The following MAST4 variants were observed in gnomAD, a reference collection of about 807,000 sequenced individuals.
The protein encoded by MAST4 is microtubule associated serine/threonine kinase family member 4.
In MAST4, 89 loss-of-function variants were observed where a neutral mutation model predicts 162.7. That is an observed-to-expected ratio of 0.55 (90% CI 0.46 to 0.65). The LOEUF is 0.65. Ranked by LOEUF, MAST4 falls within the 30% of genes least tolerant of loss-of-function variation. The pLI, the probability that MAST4 is intolerant of heterozygous loss-of-function variation, is 0.00. For missense variants in MAST4, 3,153 were observed against 3,374.0 expected, an observed-to-expected ratio of 0.93 and a Z score of 1.62; for synonymous variants, 1,479 against 1,361.1, an observed-to-expected ratio of 1.09 and a Z score of -1.91.
At chr5:66,991,247 T>C (rs747019749) in intron 4 of MAST4, among the ~76,000 whole-genome samples, 12 of 152,216 alleles carry the variant, frequency 7.9e-5, no homozygotes, top group Non-Finnish European at 1.6e-4. Flanking sequence ...AATTCAGTAG[T>C]TTTGGTATGG....
At chr5:66,927,870 A>G (rs1028302927) in intron 4 of MAST4, among the ~76,000 whole-genome samples, 1 of 152,192 alleles carries the variant, frequency 6.6e-6, no homozygotes, top group South Asian at 2.1e-4. Context: ...GAGGACTATG[A>G]GGGAGAACCT....
chr5:66,839,920 A>ATGTGTG (rs35351114), intron 3 of MAST4, among the ~76,000 whole-genome samples: 2 of 150,820 alleles, frequency 1.3e-5, no homozygotes, highest in Non-Finnish European at 3.0e-5. Context: ...TTCTTTGTGC[A>ATGTGTG]TGTGTGTGTG....
At chr5:66,640,308 TC>T (rs1745405498) in intron 1 of MAST4, among the ~76,000 whole-genome samples, 1 of 147,998 alleles carries the variant, frequency 6.8e-6, no homozygotes, top group Non-Finnish European at 1.5e-5. Flanking sequence ...ACAATTTGTT[TC>T]TTTTTTTTTT....
intron 1 of MAST4, among the ~76,000 whole-genome samples, chr5:66,707,116 ATTATC>A (rs1016298720): frequency 4.6e-5 from 7 of 152,194 alleles, no homozygotes; most frequent in African/African-American, 1.7e-4. Context: ...AAGAGAGCCT[ATTATC>A]TTAATAAGAT....
At chr5:67,008,549 C>T (rs931960281) in intron 4 of MAST4, among the ~76,000 whole-genome samples, 9 of 152,144 alleles carry the variant, frequency 5.9e-5, no homozygotes, top group African/African-American at 2.2e-4. Context: ...CTTGAGAATC[C>T]AGAAGATGCT....
At chr5:66,960,969 C>CCTCT (rs1304713562) in intron 4 of MAST4, among the ~76,000 whole-genome samples, 2 of 152,150 alleles carry the variant, frequency 1.3e-5, no homozygotes, top group African/African-American at 4.8e-5. Flanking sequence ...CTCCTTCTAT[C>CCTCT]CTCTTATCTT....
intron 2 of MAST4, among the ~76,000 whole-genome samples, chr5:66,767,170 C>CGTGTGTGTGT (rs60766673): frequency 1.6e-3 from 227 of 139,552 alleles, no homozygotes; most frequent in African/African-American, 3.8e-3. Flanking sequence ...GTAAAGTGCA[C>CGTGTGTGTGT]GTGTGTGTGT....
At chr5:67,105,499 T>C (rs1400534426) in intron 10 of MAST4, among the ~76,000 whole-genome samples, 2 of 152,190 alleles carry the variant, frequency 1.3e-5, no homozygotes, top group Non-Finnish European at 2.9e-5. Flanking sequence ...CCTTCTATAC[T>C]CTTTCCCGAT....
chr5:66,969,536 C>T (rs1028109164), intron 4 of MAST4, among the ~76,000 whole-genome samples: 8 of 152,184 alleles, frequency 5.3e-5, no homozygotes, highest in African/African-American at 1.9e-4. Flanking sequence ...AGGTAGACAG[C>T]ACCTTAACAG....
At chr5:66,601,810 A>G (rs143443368) in intron 1 of MAST4, among the ~76,000 whole-genome samples, 12 of 152,296 alleles carry the variant, frequency 7.9e-5, no homozygotes, top group Middle Eastern at 3.4e-3. Flanking sequence ...GAAGCAAAGA[A>G]GTGACATGAT....
intron 1 of MAST4, among the ~76,000 whole-genome samples, chr5:66,694,354 A>G (rs181862682): frequency 3.9e-5 from 6 of 152,348 alleles, no homozygotes; most frequent in African/African-American, 1.2e-4. Flanking sequence ...CTTAGCTCAT[A>G]TAAGTCAGCT....
chr5:66,711,698 G>C (rs1226985025), intron 1 of MAST4, among the ~76,000 whole-genome samples: 1 of 152,136 alleles, frequency 6.6e-6, no homozygotes, highest in Non-Finnish European at 1.5e-5. Context: ...AGCTGGGCAT[G>C]GTGGTGGGCG....
intron 4 of MAST4, chr5:66,964,103 A>G: frequency 3.8e-6 from 2 of 522,060 alleles, no homozygotes; most frequent in East Asian, 5.2e-5. Flanking sequence ...ATTGGTTTCT[A>G]GAAAACATTT....
At chr5:66,829,125 C>T (rs1321005698) in intron 3 of MAST4, among the ~76,000 whole-genome samples, 2 of 151,658 alleles carry the variant, frequency 1.3e-5, no homozygotes, top group Non-Finnish European at 2.9e-5. Context: ...GTTTGTTTTT[C>T]TACTGGTTAT....
In MAST4 at chr5:66,870,748, G is replaced by T. The variant is rs114801154; in HGVS notation, c.643-29203G>T. On this transcript the variant is annotated intron_variant, in intron 3 of 28. Coordinates refer to ENST00000403625, the MANE Select transcript of MAST4 (RefSeq NM_001164664.2). ...CCCACCTTCTCCCTTCCCACCTCTC[G>T]TTCACTCCCCATCTTCCATTCACTG... 4,029 of 470,520 alleles carry T rather than the reference G, an allele frequency of 8.6e-3. 111 individuals are homozygous for T. Among genetic ancestry groups the T allele is most frequent in the African/African-American group, 0.069 (3,425 of 49,982 alleles). The allele number at this position is 470,520 out of a possible 1,614,324, so 29.1% of individuals were successfully genotyped here.
intron 3 of MAST4, among the ~76,000 whole-genome samples, chr5:66,790,172 G>A (rs1219051086): frequency 6.6e-6 from 1 of 151,832 alleles, no homozygotes; most frequent in Non-Finnish European, 1.5e-5. Flanking sequence ...AATGTATTGT[G>A]TCTTATAATT....
At chr5:66,622,166 G>A (rs1305171575) in intron 1 of MAST4, among the ~76,000 whole-genome samples, 1 of 152,178 alleles carries the variant, frequency 6.6e-6, no homozygotes. Flanking sequence ...GCATGGTCGA[G>A]GAAGATGTTT....
intron 3 of MAST4, among the ~76,000 whole-genome samples, chr5:66,805,158 A>G (rs907130291): frequency 2.0e-5 from 3 of 152,184 alleles, no homozygotes; most frequent in African/African-American, 7.2e-5. Flanking sequence ...TCATTTTTCA[A>G]AGGAGTAAAG....
At chr5:67,119,703 A>G (rs1341481579) in intron 13 of MAST4, among the ~76,000 whole-genome samples, 2 of 152,170 alleles carry the variant, frequency 1.3e-5, no homozygotes, top group Non-Finnish European at 2.9e-5. Flanking sequence ...AGTTCCTTTG[A>G]AACATTAAAG....
Sources: allele counts gnomAD v4.1 joint callset (sites outside exome capture counted in the v4.1 genomes callset), GRCh38; gene constraint gnomAD v4.1.1; transcripts MANE v1.5; gene names NCBI Gene and HGNC (gene_info 2026-07-23, HGNC 2026-07-21).